The following SLX4IP variants were observed in gnomAD, a reference collection of about 807,000 sequenced individuals.
SLX4IP encodes protein SLX4IP.
A neutral mutation model predicts 32.9 loss-of-function variants in SLX4IP; 34 were observed. The observed-to-expected ratio is 1.03, with a 90% CI of 0.79 to 1.38. The LOEUF (loss-of-function observed/expected upper bound fraction) is 1.38, where lower values mean the gene tolerates loss of function less well. Ranked by LOEUF, SLX4IP falls within the 40% of genes most tolerant of loss-of-function variation. SLX4IP has a pLI of 0.00. For synonymous variants in SLX4IP, 172 were observed against 171.7 expected (o/e 1.00, Z -0.01); for missense variants, 444 against 479.0 (o/e 0.93, Z 0.68).
intron 2 of SLX4IP, among the ~76,000 whole-genome samples, chr20:10,527,488 A>G (rs868605678): frequency 3.3e-5 from 5 of 152,248 alleles, no homozygotes; most frequent in South Asian, 2.1e-4. Context: ...AGTGTATTCA[A>G]TATGAGCCCC....
At position 10,485,537 on chromosome 20, in the gene SLX4IP, A is replaced by C. The variant is rs978630346; in HGVS notation, c.27+27306A>C. On this transcript the variant is annotated intron_variant, in intron 2 of 7. Coordinates refer to ENST00000334534, the MANE Select transcript of SLX4IP (RefSeq NM_001009608.3). ...AAGACTGAGGCAGGAGAATCGCTTG[A>C]ACCCAGGAGGTGGAGTTTGCATTGA... 6.6e-5 allele frequency among the ~76,000 whole-genome samples: 10 copies of C among 152,050 alleles called. No homozygotes were observed. In the East Asian group the frequency reaches 1.9e-3, roughly 29 times the overall value.
intron 4 of SLX4IP, among the ~76,000 whole-genome samples, chr20:10,570,664 G>T (rs1267355097): frequency 1.3e-5 from 2 of 152,078 alleles, no homozygotes; most frequent in African/African-American, 4.8e-5. Context: ...AAGTAGCTGG[G>T]ATTACAGGCG....
chr20:10,567,501 G>T (rs144939422), intron 4 of SLX4IP, among the ~76,000 whole-genome samples: 1 of 152,284 alleles, frequency 6.6e-6, no homozygotes, highest in African/African-American at 2.4e-5. Flanking sequence ...ACTCTCGCCA[G>T]ACCTGCTGGT....
At chr20:10,504,804 G>T (rs2065745036) in intron 2 of SLX4IP, among the ~76,000 whole-genome samples, 1 of 152,122 alleles carries the variant, frequency 6.6e-6, no homozygotes, top group African/African-American at 2.4e-5. Context: ...GGAGGGCTTA[G>T]GTAGCCGGAA....
At chr20:10,471,750 T>C (rs925074215) in intron 2 of SLX4IP, among the ~76,000 whole-genome samples, 1 of 152,214 alleles carries the variant, frequency 6.6e-6, no homozygotes, top group African/African-American at 2.4e-5. Flanking sequence ...TTTTCTGCTT[T>C]ATTTGTCTTT....
rs193063448 is a variant in SLX4IP, at chr20:10,572,417, G to T, written c.238+11597G>T. On this transcript the variant is annotated intron_variant, in intron 4 of 7. Coordinates refer to ENST00000334534, the MANE Select transcript of SLX4IP (RefSeq NM_001009608.3). Reference sequence around the variant, plus strand: ...GTATTCTGCTTGAATTACCATGTGGGTATCTTGGTTTAAAGTTCATATTCT... The same window carrying T: ...GTATTCTGCTTGAATTACCATGTGGTTATCTTGGTTTAAAGTTCATATTCT... Among the ~76,000 whole-genome samples, 311 of 152,150 alleles carry T rather than the reference G, an allele frequency of 2.0e-3. 1 individual carries two copies. Among genetic ancestry groups the T allele is most frequent in the Non-Finnish European group, 1.3e-3 (91 of 68,014 alleles).
chr20:10,602,046 C>A (rs2066848010), intron 6 of SLX4IP, among the ~76,000 whole-genome samples: 1 of 152,142 alleles, frequency 6.6e-6, no homozygotes, highest in Non-Finnish European at 1.5e-5. Context: ...TTTTCCATAT[C>A]AACTGTAAAT....
intron 2 of SLX4IP, among the ~76,000 whole-genome samples, chr20:10,486,922 T>C (rs2065579129): frequency 9.5e-6 from 1 of 105,060 alleles, no homozygotes; most frequent in Non-Finnish European, 2.3e-5. Flanking sequence ...TCAAACTTGC[T>C]CTGTTTTTTT....
rs2066602182 is a variant in SLX4IP at position 10,582,983 on chromosome 20, T to G, written c.239-15692T>G. Among the ~76,000 whole-genome samples the G allele has an allele frequency of 2.0e-5, 3 of 152,154 alleles. No individual in the cohort carries two copies. The South Asian group carries it at 6.2e-4, about 32-fold the overall frequency. ...TGAATATTTTCATGGTGGTGTTTCT[T>G]TTTTACAAATAAATCTTTAAAAGAA... On this transcript the variant is annotated intron_variant, in intron 4 of 7. Coordinates refer to ENST00000334534, the MANE Select transcript of SLX4IP (RefSeq NM_001009608.3).
In SLX4IP at chr20:10,538,565, G is replaced by T. The variant is rs955069728; in HGVS notation, c.28-17666G>T. On this transcript the variant is annotated intron_variant, in intron 2 of 7. Coordinates refer to ENST00000334534, the MANE Select transcript of SLX4IP (RefSeq NM_001009608.3). ...TTTTGAGACAGAGTCTCACTCTGTC[G>T]CCCAGGCTGGAGTGCAGTGGTGCCA... Among the ~76,000 whole-genome samples, 8 of 149,682 alleles carry T rather than the reference G, an allele frequency of 5.3e-5. No homozygotes were observed. The East Asian group carries it at 1.2e-3, about 22-fold the overall frequency.
At chr20:10,453,803 A>G (rs1370683421) in intron 1 of SLX4IP, among the ~76,000 whole-genome samples, 2 of 152,106 alleles carry the variant, frequency 1.3e-5, no homozygotes, top group Non-Finnish European at 2.9e-5. Context: ...AATATGGGTC[A>G]GTCTCCATAC....
chr20:10,583,494 T>C (rs2066608922), intron 4 of SLX4IP, among the ~76,000 whole-genome samples: 1 of 152,174 alleles, frequency 6.6e-6, no homozygotes, highest in Admixed American at 6.5e-5. Flanking sequence ...AGAAAGCGGG[T>C]CAAATGTCCT....
intron 2 of SLX4IP, among the ~76,000 whole-genome samples, chr20:10,549,977 C>G (rs538185848): frequency 3.9e-5 from 6 of 152,288 alleles, no homozygotes; most frequent in East Asian, 3.9e-4. Context: ...AAAATTCACA[C>G]TCCAGGAAGA....
chr20:10,487,381 CTT>C (rs533120242), intron 2 of SLX4IP, among the ~76,000 whole-genome samples: 65 of 152,096 alleles, frequency 4.3e-4, no homozygotes, highest in Admixed American at 1.5e-3. Context: ...TTTGGATAGA[CTT>C]TTTATGACTC....
chr20:10,618,235 T>C (rs1234512007), intron 6 of SLX4IP, among the ~76,000 whole-genome samples: 1 of 152,196 alleles, frequency 6.6e-6, no homozygotes, highest in South Asian at 2.1e-4. Flanking sequence ...AGAAAAGTCC[T>C]GATCCCTTGC....
intron 2 of SLX4IP, among the ~76,000 whole-genome samples, chr20:10,517,053 GTA>G (rs201744110): frequency 2.0e-5 from 3 of 151,696 alleles, no homozygotes; most frequent in African/African-American, 4.8e-5. Context: ...GAGGAACTAT[GTA>G]TGAACATTCT....
At position 10,623,557 on chromosome 20, in the gene SLX4IP, G is replaced by A; in HGVS notation, c.*178G>A. ...TTTTCAAAGCATTTCAAACCGGGAGGCTATATGCTTGTTCTAACAGCGTTG... is the reference window on the plus strand; with the variant it reads ...TTTTCAAAGCATTTCAAACCGGGAGACTATATGCTTGTTCTAACAGCGTTG... On this transcript the variant is annotated 3_prime_UTR_variant, in exon 8 of 8. Coordinates refer to ENST00000334534, the MANE Select transcript of SLX4IP (RefSeq NM_001009608.3). 1.1e-6 allele frequency: 1 copy of A among 883,370 alleles called. No homozygotes were observed. Among genetic ancestry groups the A allele is most frequent in the Non-Finnish European group, 1.7e-6 (1 of 603,298 alleles). The allele number at this position is 883,370 out of a possible 1,614,324, so 54.7% of individuals were successfully genotyped here.
At position 10,621,381 on chromosome 20, in the gene SLX4IP, G is replaced by A. The variant is rs2067110480; in HGVS notation, c.473G>A (p.Ser158Asn). The change falls in exon 7 of 8, where the codon AGT becomes AAT. Residue 158 changes from serine (S) to asparagine (N), a missense_variant. By Grantham distance (46) the Ser-to-Asn change is conservative. Coordinates refer to ENST00000334534, the MANE Select transcript of SLX4IP (RefSeq NM_001009608.3). ...TGTGCAGAGAGTTCACTTCCTCCCA[G>A]TGCAAAGCTCCGGAGAAATGCTCTG... ...AECAESSLPPSAKLRRNALKE... is the reference protein window; with the variant it reads ...AECAESSLPPNAKLRRNALKE... 5.0e-6 allele frequency: 8 copies of A among 1,614,160 alleles called. No individual in the cohort carries two copies. In the South Asian group the frequency reaches 8.8e-5, roughly 18 times the overall value.
At chr20:10,603,741 G>A (rs898669870) in intron 6 of SLX4IP, among the ~76,000 whole-genome samples, 2 of 152,078 alleles carry the variant, frequency 1.3e-5, no homozygotes, top group African/African-American at 4.8e-5. Flanking sequence ...CCTCTGCCTA[G>A]CCTGCTCACC....
Sources: gnomAD v4.1 joint callset for allele counts (sites outside exome capture counted in the v4.1 genomes callset) on GRCh38, gnomAD v4.1.1 for gene constraint, MANE v1.5 for transcripts, NCBI Gene and HGNC (gene_info 2026-07-23, HGNC 2026-07-21) for gene names.